Variants in DLL3 observed in about 807,000 individuals in gnomAD.
DLL3 encodes the protein delta-like protein 3.
Under a neutral mutation model 55.0 loss-of-function variants are expected in DLL3, and 49 were observed. The observed-to-expected ratio is 0.89, with a 90% confidence interval of 0.71 to 1.13. The LOEUF (loss-of-function observed/expected upper bound fraction) is 1.13. DLL3 is among the 50% of genes most tolerant of loss of function. The pLI, the probability that DLL3 is intolerant of heterozygous loss-of-function variation, is 0.00. For missense variants in DLL3, 962 were observed against 875.5 expected (o/e 1.10, Z -1.25); for synonymous variants, 421 against 385.2 (o/e 1.09, Z -1.09).
intron 6 of DLL3, among the ~76,000 whole-genome samples, chr19:39,506,282 G>GCTTGAACT (rs200288296): frequency 0.014 from 1,944 of 136,232 alleles, 43 homozygotes; most frequent in East Asian, 0.11. Context: ...GCAGAGAATT[G>GCTTGAACT]CTTGAACTCG....
intron 3 of DLL3, among the ~76,000 whole-genome samples, chr19:39,501,909 G>A (rs568376018): frequency 3.3e-5 from 5 of 152,264 alleles, no homozygotes; most frequent in South Asian, 2.1e-4. Flanking sequence ...GTCAAGGCCC[G>A]GCGCGGTGGC....
intron 6 of DLL3, 107 bp from the exon 7 acceptor site, chr19:39,506,932 A>C: frequency 8.4e-7 from 1 of 1,193,800 alleles, no homozygotes; most frequent in Non-Finnish European, 1.2e-6. Flanking sequence ...CCCTTAAGTT[A>C]GAGAGAAAAA....
intron 4 of DLL3, 110 bp downstream of exon 4, chr19:39,503,167 TACTCTA>T: frequency 8.5e-7 from 1 of 1,180,240 alleles, no homozygotes; most frequent in Non-Finnish European, 1.1e-6. Flanking sequence ...CTCTTCAGGG[TACTCTA>T]GAGTCCCCCA....
rs138890069 is a variant in DLL3, at chr19:39,504,756, T to C, written c.870+468T>C. Among the ~76,000 whole-genome samples, 756 of 151,882 alleles carry C rather than the reference T, an allele frequency of 5.0e-3. 3 individuals carry two copies. The highest frequency in any genetic ancestry group is 0.017 in the African/African-American group (716 of 41,380). Reference sequence around the variant, plus strand: ...CCTGCAGGGAGCAAGGGTGCAGAGGTGGCAGTGAGTGAGCCTGGCATGGAG... The same window carrying C: ...CCTGCAGGGAGCAAGGGTGCAGAGGCGGCAGTGAGTGAGCCTGGCATGGAG... On this transcript the variant is annotated intron_variant, in intron 5 of 8. Coordinates refer to ENST00000356433, the MANE Select transcript of DLL3 (RefSeq NM_203486.3).
Position 39,499,201 on chromosome 19 carries a change from G to C in DLL3, c.79G>C (p.Ala27Pro), listed in dbSNP as rs778394964. 6.3e-7 allele frequency: 1 copy of C among 1,574,810 alleles called. No individual in the cohort carries two copies. Among genetic ancestry groups the C allele is most frequent in the South Asian group, 1.1e-5 (1 of 88,248 alleles). Reference protein sequence around the residue: ...ALIFLPQTRPAGVFELQIHSF... With the variant: ...ALIFLPQTRPPGVFELQIHSF... ...CCCGTCTCCGTCCCAGACACGGCCC[G>C]CTGGCGTCTTCGAGCTGCAGATCCA... is the stretch of plus-strand genomic sequence containing the variant. The change falls in exon 2 of 9, where the codon GCT (alanine) becomes CCT (proline). Residue 27 changes from alanine to proline, a missense_variant. Transcript: ENST00000356433.
At chr19:39,503,954 A>T (rs369943367) in intron 4 of DLL3, 117 bp from the exon 5 acceptor site, 1 of 987,060 alleles carries the variant, frequency 1.0e-6, no homozygotes, top group African/African-American at 1.6e-5. Flanking sequence ...TATCTGTCAC[A>T]AAGATGAAGC....
intron 1 of DLL3, 60 bp from the exon 2 acceptor site, chr19:39,499,132 G>A (rs2079593723): frequency 3.1e-6 from 5 of 1,609,828 alleles, no homozygotes; most frequent in African/African-American, 1.3e-5. Flanking sequence ...AAGGAGCGTG[G>A]GGCGGACGGG....
chr19:39,508,129 T>C (rs982368816), intron 8 of DLL3, 123 bp from the exon 9 acceptor site: 12 of 1,613,336 alleles, frequency 7.4e-6, no homozygotes, highest in Non-Finnish European at 7.6e-6. Flanking sequence ...TTGAAAAACC[T>C]ATGGGCTTGA....
At chr19:39,499,654 C>T (rs1317420585) in intron 2 of DLL3, among the ~76,000 whole-genome samples, 181 bp downstream of exon 2, 1 of 152,210 alleles carries the variant, frequency 6.6e-6, no homozygotes, top group Non-Finnish European at 1.5e-5. Context: ...AAACTCTACA[C>T]ACTGGGGATT....
rs780088167 is a variant in DLL3 at position 39,503,020 on chromosome 19, C to G, written c.615C>G (p.Arg205=). 109 of 1,511,612 alleles carry G rather than the reference C, an allele frequency of 7.2e-5. No homozygotes were observed. Among genetic ancestry groups the G allele is most frequent in the Middle Eastern group, 4.7e-4 (2 of 4,298 alleles). 93.6% of individuals were successfully genotyped at this position (1,511,612 alleles called of 1,614,324 possible). A position where few individuals can be genotyped will look rare whatever the true frequency, so the allele number is the denominator to read the frequency against. ...SAPSRCGPGL[R]PCAPLEDECE... is the part of the protein sequence containing the mutation. ...CCTCGCGGTGCGGTCCGGGACTGCG[C>G]CCCTGCGCACCGCTCGAGGACGAAT... Residue 205 remains arginine (R), a synonymous_variant, in exon 4 of 9, where the codon CGC becomes CGG. Transcript: ENST00000356433.
Position 39,504,115 on chromosome 19 carries a change from C to G in DLL3, c.697C>G (p.Gln233Glu), listed in dbSNP as rs1235720722. ...CAGCCCTGAGCATGGCTTCTGTGAACAGCCCGGTGAATGCCGATGCCTAGA... is the reference window on the plus strand; with the variant it reads ...CAGCCCTGAGCATGGCTTCTGTGAAGAGCCCGGTGAATGCCGATGCCTAGA... ...GCSPEHGFCEQPGECRCLEGW... is the reference protein window; with the variant it reads ...GCSPEHGFCEEPGECRCLEGW... Residue 233 changes from glutamine to glutamate, a missense_variant, in exon 5 of 9, where the codon CAG becomes GAG. Transcript: ENST00000356433. 6.2e-7 allele frequency: 1 copy of G among 1,613,242 alleles called. No homozygotes were observed.
At chr19:39,502,153 C>T (rs537110373) in intron 3 of DLL3, among the ~76,000 whole-genome samples, 111 of 152,022 alleles carry the variant, frequency 7.3e-4, no homozygotes, top group African/African-American at 2.6e-3. Flanking sequence ...CACCACTACG[C>T]TCCAGCCTGG....
chr19:39,506,304 T>C (rs1021435911), intron 6 of DLL3, among the ~76,000 whole-genome samples: 31 of 146,210 alleles, frequency 2.1e-4, no homozygotes, highest in Admixed American at 6.1e-4. Context: ...GAGGCGGAGG[T>C]TGCAGTGAGC....
chr19:39,500,347 T>TGAGCCTC (rs1228806204), intron 2 of DLL3, among the ~76,000 whole-genome samples: 4 of 150,856 alleles, frequency 2.7e-5, no homozygotes, highest in Admixed American at 2.7e-4. Context: ...GAGGATTGCT[T>TGAGCCTC]GAGCCTCGGA....
Position 39,507,523 on chromosome 19 carries a change from T to C in DLL3, c.1578T>C (p.Ser526=). 1 of 1,603,828 alleles carries C rather than the reference T, an allele frequency of 6.2e-7. No homozygotes were observed. Among genetic ancestry groups the C allele is most frequent in the African/African-American group, 1.3e-5 (1 of 74,816 alleles). ...GTGGCCACTCCCAGGATGCTGGGTC[T>C]CGCTTGCTGGCTGGGACCCCGGAGC... The part of the protein sequence containing the change: ...RRRGHSQDAG[S]RLLAGTPEPS... Residue 526 remains serine, a synonymous_variant, in exon 7 of 9, where the codon TCT becomes TCC. Coordinates refer to ENST00000356433, the MANE Select transcript of DLL3 (RefSeq NM_203486.3).
intron 4 of DLL3, among the ~76,000 whole-genome samples, chr19:39,503,751 C>T (rs1230785633): frequency 2.6e-5 from 4 of 152,182 alleles, no homozygotes; most frequent in Non-Finnish European, 1.5e-5. Flanking sequence ...CTCACTGTCT[C>T]CTATCCTCAC....
intron 6 of DLL3, 131 bp from the exon 7 acceptor site, chr19:39,506,908 C>T (rs2079643969): frequency 3.1e-6 from 3 of 967,064 alleles, no homozygotes; most frequent in Non-Finnish European, 4.5e-6. Flanking sequence ...TCCTGGCACA[C>T]TCCAAGACGC....
At position 39,507,636 on chromosome 19, in the gene DLL3, A is replaced by G. The variant is rs889773854; in HGVS notation, c.1673+18A>G. 4.4e-6 allele frequency: 7 copies of G among 1,599,728 alleles called. No homozygotes were observed. The highest frequency in any genetic ancestry group is 6.0e-6 in the Non-Finnish European group (7 of 1,173,802). ...GGTCCGAGGTGAGGGGCTGCGCCAC[A>G]GACGAACGCCTTGCGCTGCTGGCTG... On this transcript the variant is annotated intron_variant, in intron 7 of 8. Transcript: ENST00000356433.
At chr19:39,501,674 A>C (rs954138412) in intron 3 of DLL3, among the ~76,000 whole-genome samples, 9 of 152,146 alleles carry the variant, frequency 5.9e-5, no homozygotes, top group Non-Finnish European at 1.2e-4. Context: ...TTTGCCTTCA[A>C]GAAAGTGTCA....
Sources: gnomAD v4.1 joint callset for allele counts (sites outside exome capture counted in the v4.1 genomes callset) on GRCh38, gnomAD v4.1.1 for gene constraint, MANE v1.5 for transcripts, NCBI Gene and HGNC (gene_info 2026-07-23, HGNC 2026-07-21) for gene names.